Variants in ZNF444 observed in about 807,000 individuals in gnomAD.
ZNF444 encodes zinc finger protein 444.
Under a neutral mutation model 14.4 loss-of-function variants are expected in ZNF444, and 8 were observed. That is an observed-to-expected ratio of 0.56 (90% CI 0.33 to 1.00). The LOEUF is 1.00. Among genes scored for constraint, ZNF444 ranks in the 50% least tolerant of loss-of-function variants. The pLI is 0.03. For missense variants in ZNF444, 510 were observed against 504.8 expected (o/e 1.01, Z -0.10); for synonymous variants, 258 against 235.9 (o/e 1.09, Z -0.86).
chr19:56,135,858 C>T (rs567407736), intron 1 of ZNF444, among the ~76,000 whole-genome samples: 1 of 151,586 alleles, frequency 6.6e-6, no homozygotes, highest in Non-Finnish European at 1.5e-5. Context: ...GTGGGTGGGC[C>T]TCACTTGAGA....
upstream of ZNF444, among the ~76,000 whole-genome samples, chr19:56,140,323 C>T (rs1250112661): frequency 2.3e-3 from 1 of 442 alleles, no homozygotes; most frequent in African/African-American, 0.01. Context: ...CTGGAACTGT[C>T]TAGATAAAAA....
At chr19:56,138,723 C>T (rs1422668638), upstream of ZNF444, among the ~76,000 whole-genome samples, 1 of 144,220 alleles carries the variant, frequency 6.9e-6, no homozygotes, top group Non-Finnish European at 1.5e-5. Flanking sequence ...TTAATGGGTA[C>T]AATTTCAATT....
At chr19:56,149,278 T>C (rs1168270270) in intron 3 of ZNF444, among the ~76,000 whole-genome samples, 13 of 98,784 alleles carry the variant, frequency 1.3e-4, no homozygotes, top group Admixed American at 2.2e-4. Context: ...ACCTCTGCTT[T>C]CATCCCCATC....
rs2031036476 is a variant in ZNF444 at position 56,144,415 on chromosome 19, A to G, written c.-196-1832A>G. ...GGCTGGGCTGCATGGTCTCATGGCCATAGTAAGCAATTTGGGTTTTGAGCA... is the reference window on the plus strand; with the variant it reads ...GGCTGGGCTGCATGGTCTCATGGCCGTAGTAAGCAATTTGGGTTTTGAGCA... On this transcript the variant is annotated intron_variant, in intron 1 of 4. Transcript: ENST00000337080. The surrounding 1 kb of genome is among the most constrained non-coding windows in gnomAD (Gnocchi z 4.0). Among the ~76,000 whole-genome samples, 1 of 152,220 alleles carries G rather than the reference A, an allele frequency of 6.6e-6. No individual in the cohort carries two copies. Among genetic ancestry groups the G allele is most frequent in the African/African-American group, 2.4e-5 (1 of 41,450 alleles).
chr19:56,158,390 C>G, intron 3 of ZNF444, 104 bp from the exon 4 acceptor site: 1 of 1,112,328 alleles, frequency 9.0e-7, no homozygotes, highest in Non-Finnish European at 1.3e-6. Context: ...GTGGCTTCCT[C>G]CCAGCAGGGA....
rs922968735 is a variant in ZNF444, at chr19:56,152,487, T to G, written c.297+5279T>G. ...TTGGGTTGATTCCAGGGTTTTGTTTTTTTTTTTTTTTTAATAGAGCTGGTT... is the reference window on the plus strand; with the variant it reads ...TTGGGTTGATTCCAGGGTTTTGTTTGTTTTTTTTTTTTAATAGAGCTGGTT... On this transcript the variant is annotated intron_variant, in intron 3 of 4. Coordinates refer to ENST00000337080, the MANE Select transcript of ZNF444 (RefSeq NM_018337.4). Among the ~76,000 whole-genome samples the G allele has an allele frequency of 5.2e-3, 792 of 151,804 alleles. 10 individuals are homozygous for G. Among genetic ancestry groups the G allele is most frequent in the African/African-American group, 0.018 (762 of 41,398 alleles).
chr19:56,154,918 T>C (rs879518090), intron 3 of ZNF444: 5 of 152,216 alleles, frequency 3.3e-5, no homozygotes, highest in Admixed American at 1.3e-4. Context: ...CCAGAGTCTC[T>C]CAGTTAAAGT....
At chr19:56,137,656 G>T (rs566314484), upstream of ZNF444, among the ~76,000 whole-genome samples, 1 of 152,294 alleles carries the variant, frequency 6.6e-6, no homozygotes, top group South Asian at 2.1e-4. Flanking sequence ...CCCCGGCTCA[G>T]TTCTGCAGTG....
intron 3 of ZNF444, chr19:56,158,098 ATTAG>A (rs2032019739): frequency 6.1e-6 from 1 of 163,410 alleles, no homozygotes; most frequent in South Asian, 2.0e-4. Context: ...AGACAGGTGT[ATTAG>A]TTATTTCTTG....
chr19:56,152,331 CA>C (rs1162528500), intron 3 of ZNF444, among the ~76,000 whole-genome samples: 15,706 of 80,658 alleles, frequency 0.19, 1,004 homozygotes, highest in African/African-American at 0.31. Context: ...GACTCTGTCT[CA>C]AAAAAAAAAA....
At chr19:56,148,404 T>C (rs1352551912) in intron 3 of ZNF444, among the ~76,000 whole-genome samples, 1 of 151,758 alleles carries the variant, frequency 6.6e-6, no homozygotes, top group Non-Finnish European at 1.5e-5. Context: ...GCGTACCGAG[T>C]GCCTGCTGGG....
chr19:56,138,810 T>TTTA (rs2030670831), upstream of ZNF444, among the ~76,000 whole-genome samples: 1 of 146,636 alleles, frequency 6.8e-6, no homozygotes, highest in Non-Finnish European at 1.5e-5. Flanking sequence ...TTTTTTTTTT[T>TTTA]TTTTGAGACA....
rs376596929 is a variant in ZNF444, at chr19:56,146,965, C to G, written c.54C>G (p.Ser18=). 34 of 1,442,902 alleles carry G rather than the reference C, an allele frequency of 2.4e-5. 1 individual carries two copies. The African/African-American group carries it at 2.7e-4, about 11-fold the overall frequency. The allele number at this position is 1,442,902 out of a possible 1,614,324, so 89.4% of individuals were successfully genotyped here. A position where few individuals can be genotyped will look rare whatever the true frequency, so the allele number is the denominator to read the frequency against. Residue 18 remains serine, a synonymous_variant, in exon 3 of 5, where the codon TCC becomes TCG. Coordinates refer to ENST00000337080, the MANE Select transcript of ZNF444 (RefSeq NM_018337.4). ...KQEAEGLALD[S]PWHRFRRFHL... ...AGGCCGAGGGCCTGGCGCTGGACTC[C>G]CCGTGGCACCGCTTCCGCCGCTTCC...
Position 56,159,918 on chromosome 19 carries a change from G to A in ZNF444, c.701G>A (p.Gly234Asp). The change falls in exon 5 of 5, where the codon GGC becomes GAC. Residue 234 changes from glycine to aspartate, a missense_variant. Transcript: ENST00000337080. ...CGCGACACGCACCCCGGCAGCCCCGGCAGCCCCGGGCCCGCGCTGCGCCCT... is the reference window on the plus strand; with the variant it reads ...CGCGACACGCACCCCGGCAGCCCCGACAGCCCCGGGCCCGCGCTGCGCCCT... ...RHRDTHPGSP[G>D]SPGPALRPLP... 6.7e-7 allele frequency: 1 copy of A among 1,501,248 alleles called. No homozygotes were observed. Among genetic ancestry groups the A allele is most frequent in the East Asian group, 2.6e-5 (1 of 38,318 alleles). The allele number at this position is 1,501,248 out of a possible 1,614,324, so 93.0% of individuals were successfully genotyped here.
At chr19:56,152,129 C>T (rs2031619538) in intron 3 of ZNF444, among the ~76,000 whole-genome samples, 2 of 152,044 alleles carry the variant, frequency 1.3e-5, no homozygotes, top group Non-Finnish European at 2.9e-5. Context: ...GTCAGGAGTT[C>T]GAGACCAGCC....
chr19:56,154,606 C>T (rs2031787561), intron 3 of ZNF444: 1 of 151,118 alleles, frequency 6.6e-6, no homozygotes, highest in African/African-American at 2.4e-5. Context: ...CCCCCAACCA[C>T]CTAACAGGAC....
At chr19:56,159,340 AT>A in intron 4 of ZNF444, among the ~76,000 whole-genome samples, 1 of 151,190 alleles carries the variant, frequency 6.6e-6, no homozygotes, top group East Asian at 2.0e-4. Flanking sequence ...TCATCGGTCC[AT>A]TCATCACCCA....
intron 1 of ZNF444, among the ~76,000 whole-genome samples, chr19:56,134,206 G>A (rs1460936806): frequency 6.6e-6 from 1 of 152,128 alleles, no homozygotes; most frequent in Non-Finnish European, 1.5e-5. Context: ...GTGCTTCAAA[G>A]CACCATACAA....
chr19:56,151,783 A>G (rs1347700506), intron 3 of ZNF444: 1 of 450,606 alleles, frequency 2.2e-6, no homozygotes, highest in Non-Finnish European at 4.4e-6. Context: ...ACCGTGGTGT[A>G]TAGACAGCTG....
Sources: gnomAD v4.1 joint callset for allele counts (sites outside exome capture counted in the v4.1 genomes callset) on GRCh38, gnomAD v4.1.1 for gene constraint, Gnocchi (gnomAD v3.1) non-coding constraint, MANE v1.5 for transcripts, NCBI Gene and HGNC (gene_info 2026-07-23, HGNC 2026-07-21) for gene names.